Variants in SMARCC1 observed in about 807,000 individuals in gnomAD.
The protein encoded by SMARCC1 is SWI/SNF related BAF chromatin remodeling complex subunit C1.
Under a neutral mutation model 147.4 loss-of-function variants are expected in SMARCC1, and 43 were observed. That is an observed-to-expected ratio of 0.29 (90% CI 0.23 to 0.38). SMARCC1 has a LOEUF of 0.38. SMARCC1 is among the 10% of genes least tolerant of loss of function. SMARCC1 has a pLI of 1.00. For synonymous variants in SMARCC1, 495 were observed against 484.4 expected (o/e 1.02, Z -0.29); for missense variants, 1,119 against 1,381.1 (o/e 0.81, Z 3.01).
intron 26 of SMARCC1, among the ~76,000 whole-genome samples, chr3:47,594,629 C>CA (rs57645977): frequency 9.5e-4 from 144 of 151,416 alleles, no homozygotes; most frequent in African/African-American, 3.3e-3. Context: ...AGGAGCAAGC[C>CA]AAAAAAAATG....
intron 2 of SMARCC1, among the ~76,000 whole-genome samples, chr3:47,759,360 T>C (rs934457303): frequency 7.3e-5 from 11 of 150,790 alleles, no homozygotes; most frequent in East Asian, 2.0e-4. Context: ...TGGTGGCTCA[T>C]ACCTGTAATC....
intron 3 of SMARCC1, among the ~76,000 whole-genome samples, chr3:47,743,116 C>G (rs1576428294): frequency 6.6e-6 from 1 of 152,192 alleles, no homozygotes; most frequent in Admixed American, 6.5e-5. Flanking sequence ...GCAACCTAGA[C>G]TGTGAGGTTC....
intron 18 of SMARCC1, among the ~76,000 whole-genome samples, chr3:47,671,212 C>T (rs1433858349): frequency 1.0e-5 from 1 of 96,042 alleles, no homozygotes; most frequent in Admixed American, 1.0e-4. Flanking sequence ...ACACAAAAAC[C>T]AAAACCAAAA....
intron 1 of SMARCC1, among the ~76,000 whole-genome samples, chr3:47,780,977 G>C (rs2035039777): frequency 6.6e-6 from 1 of 152,144 alleles, no homozygotes; most frequent in Non-Finnish European, 1.5e-5. Flanking sequence ...AAATAAAGGT[G>C]ACACAAGAAA....
intron 9 of SMARCC1, among the ~76,000 whole-genome samples, chr3:47,707,642 G>A (rs1027194891): frequency 2.0e-5 from 3 of 152,164 alleles, no homozygotes; most frequent in African/African-American, 7.2e-5. Context: ...GGGAGGCCGA[G>A]GCGGGGGGAA....
At chr3:47,712,993 T>C (rs2034107959) in intron 8 of SMARCC1, among the ~76,000 whole-genome samples, 2 of 151,990 alleles carry the variant, frequency 1.3e-5, no homozygotes, top group Non-Finnish European at 2.9e-5. Flanking sequence ...GATGATAGTA[T>C]AATTTCAACA....
At chr3:47,672,421 T>C (rs543687098) in intron 18 of SMARCC1, among the ~76,000 whole-genome samples, 14 of 152,252 alleles carry the variant, frequency 9.2e-5, no homozygotes, top group Middle Eastern at 6.8e-3. Context: ...TTAGCCAGGA[T>C]GGTCTCGATC....
chr3:47,729,177 T>G (rs2034337949), intron 5 of SMARCC1, 83 bp from the exon 6 acceptor site: 8 of 823,606 alleles, frequency 9.7e-6, no homozygotes, highest in African/African-American at 6.8e-5. Context: ...TCCATACAAA[T>G]TCTAAAAGCA....
At position 47,767,881 on chromosome 3, in the gene SMARCC1, T is replaced by A. The variant is rs1202833951; in HGVS notation, c.315+4936A>T. Among the ~76,000 whole-genome samples the A allele has an allele frequency of 4.7e-5, 7 of 149,638 alleles. No individual in the cohort carries two copies. The East Asian group carries it at 5.9e-4, about 13-fold the overall frequency. ...AACAACAAAAAAACAGTGAACTCTT[T>A]TTTTTTTTTTAAGACAGAGTCTCAG... On this transcript the variant is annotated intron_variant, in intron 2 of 27. Coordinates refer to ENST00000254480, the MANE Select transcript of SMARCC1 (RefSeq NM_003074.4).
In SMARCC1 at chr3:47,590,827, T is replaced by C. The variant is rs1156440943; in HGVS notation, c.3054A>G (p.Pro1018=). The change falls in exon 27 of 28, where the codon CCA becomes CCG. Residue 1018 remains proline, a synonymous_variant. Transcript: ENST00000254480. ...PPHPPQPGQI[P]GPGSMMPGQH... is the part of the protein sequence containing the mutation. ...GCCCGGGCATCATGGAACCTGGGCC[T>C]GGTATCTGACCTGTGGAGGGAGATT... The C allele has an allele frequency of 6.2e-7, 1 of 1,600,828 alleles. No homozygotes were observed. The highest frequency in any genetic ancestry group is 8.5e-7 in the Non-Finnish European group (1 of 1,174,944).
intron 18 of SMARCC1, among the ~76,000 whole-genome samples, chr3:47,673,408 G>GT (rs1387529766): frequency 9.0e-6 from 1 of 110,834 alleles, no homozygotes; most frequent in African/African-American, 3.0e-5. Context: ...GTGGGGGGGG[G>GT]GCAGGCCAGT....
chr3:47,600,998 T>TGAGAGAGA (rs66582985), intron 26 of SMARCC1, among the ~76,000 whole-genome samples: 5,491 of 84,894 alleles, frequency 0.065, 787 homozygotes, highest in Non-Finnish European at 0.077. Context: ...AGGAAGAAAA[T>TGAGAGAGA]GAGAGAGAGA....
At chr3:47,663,847 G>A in intron 19 of SMARCC1, 2 of 1,561,968 alleles carry the variant, frequency 1.3e-6, no homozygotes, top group South Asian at 2.2e-5. Context: ...CTCAGCTCAT[G>A]ATGTGCACCT....
In SMARCC1 at chr3:47,753,367, A is replaced by G. The variant is rs151201260; in HGVS notation, c.316-7374T>C. Among the ~76,000 whole-genome samples the G allele has an allele frequency of 5.4e-3, 817 of 150,504 alleles. 6 individuals are homozygous for G. Among genetic ancestry groups the G allele is most frequent in the Middle Eastern group, 0.028 (8 of 288 alleles). ...GAAGAAAAGAGAAGATAAATCTACT[A>G]CAATAATTTGTGCCATGGATTCCTT... On this transcript the variant is annotated intron_variant, in intron 2 of 27. Coordinates refer to ENST00000254480, the MANE Select transcript of SMARCC1 (RefSeq NM_003074.4).
At chr3:47,718,138 CAAAA>C (rs71070217) in intron 7 of SMARCC1, among the ~76,000 whole-genome samples, 2 of 53,674 alleles carry the variant, frequency 3.7e-5, no homozygotes, top group Non-Finnish European at 6.7e-5. Flanking sequence ...GACCTTGTCT[CAAAA>C]AAAAAAAAAA....
chr3:47,667,707 T>C (rs1332287657), intron 19 of SMARCC1, among the ~76,000 whole-genome samples: 2 of 152,144 alleles, frequency 1.3e-5, no homozygotes, highest in African/African-American at 2.4e-5. Context: ...TGAAACCCCG[T>C]GTCTTCTGAA....
intron 21 of SMARCC1, among the ~76,000 whole-genome samples, chr3:47,639,523 C>T (rs146843870): frequency 0.027 from 4,135 of 152,130 alleles, 72 homozygotes; most frequent in African/African-American, 0.044. Context: ...ACCAGCCTGG[C>T]CAACTTGGTG....
intron 26 of SMARCC1, among the ~76,000 whole-genome samples, chr3:47,600,412 T>A (rs866854014): frequency 6.6e-6 from 1 of 152,124 alleles, no homozygotes; most frequent in Non-Finnish European, 1.5e-5. Flanking sequence ...AAGAATAAGG[T>A]TGAGTAAGGG....
intron 26 of SMARCC1, among the ~76,000 whole-genome samples, chr3:47,602,278 C>T (rs1183687746): frequency 6.6e-6 from 1 of 152,056 alleles, no homozygotes; most frequent in African/African-American, 2.4e-5. Flanking sequence ...GGCGACACAG[C>T]AAAACCCTGT....
Sources: gnomAD v4.1 joint callset for allele counts (sites outside exome capture counted in the v4.1 genomes callset) on GRCh38, gnomAD v4.1.1 for gene constraint, MANE v1.5 for transcripts, NCBI Gene and HGNC (gene_info 2026-07-23, HGNC 2026-07-21) for gene names.